Variants in PDE4D observed in about 807,000 individuals in gnomAD.
PDE4D encodes phosphodiesterase 4D.
PDE4D carries 24 observed loss-of-function variants against 87.4 expected under a neutral mutation model. The ratio of observed to expected loss-of-function variants is 0.27; its 90% CI spans 0.20 to 0.39. The LOEUF (loss-of-function observed/expected upper bound fraction) is 0.39, where lower values mean the gene tolerates loss of function less well. Among genes scored for constraint, PDE4D ranks in the 10% least tolerant of loss-of-function variants. The pLI is 1.00. For missense variants in PDE4D, 714 were observed against 1,041.0 expected (o/e 0.69, Z 4.32); for synonymous variants, 384 against 383.2 (o/e 1.00, Z -0.02).
chr5:59,623,985 AAAT>A (rs1222995184), intron 1 of PDE4D, among the ~76,000 whole-genome samples: 1 of 150,462 alleles, frequency 6.6e-6, no homozygotes, highest in African/African-American at 2.5e-5. Context: ...TAACTATCAT[AAAT>A]ATTATTTGGC....
chr5:59,931,296 T>C (rs1342786286), intron 3 of PDE4D, among the ~76,000 whole-genome samples: 2 of 152,238 alleles, frequency 1.3e-5, no homozygotes, highest in African/African-American at 4.8e-5. Flanking sequence ...TAAGGCTTTA[T>C]TTGTTATATA....
At chr5:60,358,800 T>A (rs1462375854) in intron 1 of PDE4D, among the ~76,000 whole-genome samples, 1 of 152,240 alleles carries the variant, frequency 6.6e-6, no homozygotes, top group Non-Finnish European at 1.5e-5. Context: ...TCCCTGAATT[T>A]AAATAACAGA....
intron 2 of PDE4D, among the ~76,000 whole-genome samples, chr5:60,069,389 A>C (rs182681826): frequency 6.6e-6 from 1 of 152,182 alleles, no homozygotes; most frequent in Admixed American, 6.5e-5. Flanking sequence ...CTGTGCCTCA[A>C]TTTTGGAATT....
At chr5:60,264,261 G>A (rs1178100529) in intron 1 of PDE4D, among the ~76,000 whole-genome samples, 2 of 152,132 alleles carry the variant, frequency 1.3e-5, no homozygotes, top group Admixed American at 6.5e-5. Flanking sequence ...AAAATAAAGG[G>A]AAATAAAAGA....
At chr5:59,255,062 T>G (rs1158071838) in intron 1 of PDE4D, among the ~76,000 whole-genome samples, 1 of 152,080 alleles carries the variant, frequency 6.6e-6, no homozygotes, top group African/African-American at 2.4e-5. Context: ...CTACTAGGAA[T>G]ATACCCAGAA....
Position 59,127,446 on chromosome 5 carries a change from C to G in PDE4D, c.808+53149G>C, listed in dbSNP as rs561366499. ...CTCTCTTTCTTCTTCCCCCACCTCC[C>G]CCAATTTAGGTTAATGAGCCCAGGC... On this transcript the variant is annotated intron_variant, in intron 5 of 14. Coordinates refer to ENST00000340635, the MANE Select transcript of PDE4D (RefSeq NM_001104631.2). Among the ~76,000 whole-genome samples, 10 of 152,170 alleles carry G rather than the reference C, an allele frequency of 6.6e-5. No homozygotes were observed. The South Asian group carries it at 2.1e-3, about 32-fold the overall frequency.
intron 1 of PDE4D, among the ~76,000 whole-genome samples, chr5:60,498,816 C>T (rs939029206): frequency 6.6e-6 from 1 of 152,166 alleles, no homozygotes; most frequent in African/African-American, 2.4e-5. Context: ...TCCTATCCTC[C>T]TATAAGGGCT....
intron 1 of PDE4D, among the ~76,000 whole-genome samples, chr5:59,536,148 A>G (rs953873194): frequency 6.6e-6 from 1 of 152,196 alleles, no homozygotes; most frequent in Non-Finnish European, 1.5e-5. Flanking sequence ...GGATTTGGTA[A>G]TATTGGATAC....
chr5:59,280,939 G>A (rs191817204), intron 1 of PDE4D, among the ~76,000 whole-genome samples: 204 of 152,098 alleles, frequency 1.3e-3, no homozygotes, highest in African/African-American at 4.5e-3. Context: ...GGAGAAGGAC[G>A]CTGAAGGTCT....
intron 1 of PDE4D, among the ~76,000 whole-genome samples, chr5:59,580,646 T>A (rs1023672368): frequency 9.9e-5 from 15 of 151,914 alleles, no homozygotes; most frequent in African/African-American, 3.4e-4. Context: ...TTTAAAAAAA[T>A]AGAGAGAGAG....
At chr5:59,654,811 A>G (rs955271762) in intron 1 of PDE4D, among the ~76,000 whole-genome samples, 1 of 152,110 alleles carries the variant, frequency 6.6e-6, no homozygotes. Context: ...ACTTAAATGG[A>G]ATCATGAAAT....
chr5:59,126,213 C>A (rs1335114764), intron 5 of PDE4D, among the ~76,000 whole-genome samples: 1 of 151,232 alleles, frequency 6.6e-6, no homozygotes, highest in African/African-American at 2.4e-5. Context: ...CATTTATAAA[C>A]CTCAGACAAA....
intron 1 of PDE4D, among the ~76,000 whole-genome samples, chr5:60,237,528 A>G (rs1746561693): frequency 6.6e-6 from 1 of 152,084 alleles, no homozygotes; most frequent in Non-Finnish European, 1.5e-5. Flanking sequence ...AAGTCACACT[A>G]TATGGTTTAA....
chr5:59,350,625 G>A (rs773198018), intron 1 of PDE4D, among the ~76,000 whole-genome samples: 4 of 152,124 alleles, frequency 2.6e-5, no homozygotes, highest in Non-Finnish European at 5.9e-5. Flanking sequence ...ACTCTTCCAG[G>A]CACTGGCCAT....
intron 1 of PDE4D, among the ~76,000 whole-genome samples, chr5:59,740,581 C>T (rs561606737): frequency 2.7e-4 from 41 of 152,114 alleles, no homozygotes; most frequent in Middle Eastern, 6.8e-3. Context: ...TATGAGACTT[C>T]GGAATTAATG....
At position 58,990,894 on chromosome 5, in the gene PDE4D, T is replaced by C. The variant is rs369906474; in HGVS notation, c.1197A>G (p.Glu399=). The C allele has an allele frequency of 6.4e-5, 100 of 1,573,960 alleles. No individual in the cohort carries two copies. In the Middle Eastern group the frequency reaches 6.7e-4, roughly 10 times the overall value. ...EQEDVLAKEL[E]DVNKWGLHVF... is the part of the protein sequence containing the mutation. Reference sequence around the variant, plus strand: ...CATGAAGACCCCATTTGTTCACATCTTCTAGTTCCTGGAGTGAAAAAAAAA... The same window carrying C: ...CATGAAGACCCCATTTGTTCACATCCTCTAGTTCCTGGAGTGAAAAAAAAA... Residue 399 remains glutamate (E), a synonymous_variant, in exon 9 of 15, where the codon GAA becomes GAG. Coordinates refer to ENST00000340635, the MANE Select transcript of PDE4D (RefSeq NM_001104631.2).
chr5:59,035,560 A>G (rs181658146), intron 6 of PDE4D, among the ~76,000 whole-genome samples: 189 of 152,320 alleles, frequency 1.2e-3, no homozygotes, highest in Non-Finnish European at 2.4e-3. Flanking sequence ...CAACAGATAC[A>G]GTGCCTACTA....
At chr5:59,334,986 T>C (rs919729009) in intron 1 of PDE4D, among the ~76,000 whole-genome samples, 1 of 152,166 alleles carries the variant, frequency 6.6e-6, no homozygotes, top group African/African-American at 2.4e-5. Context: ...TCCTCATTTT[T>C]CAGCTTATAC....
chr5:59,603,449 C>T (rs1367892552), intron 1 of PDE4D, among the ~76,000 whole-genome samples: 1 of 151,992 alleles, frequency 6.6e-6, no homozygotes, highest in African/African-American at 2.4e-5. Flanking sequence ...AATGAGCTAT[C>T]ACTTCATACT....
Sources: gnomAD v4.1 joint callset for allele counts (sites outside exome capture counted in the v4.1 genomes callset) on GRCh38, gnomAD v4.1.1 for gene constraint, MANE v1.5 for transcripts, NCBI Gene and HGNC (gene_info 2026-07-23, HGNC 2026-07-21) for gene names.